Variants in NBEAL1 observed in about 807,000 individuals in gnomAD.
The protein encoded by NBEAL1 is neurobeachin-like protein 1.
In NBEAL1, 273 loss-of-function variants were observed where a neutral mutation model predicts 351.3. The ratio of observed to expected loss-of-function variants is 0.78; its 90% CI spans 0.70 to 0.86. NBEAL1 has a LOEUF of 0.86. Among genes scored for constraint, NBEAL1 ranks in the 40% least tolerant of loss-of-function variants. NBEAL1 has a pLI of 0.00. For synonymous variants in NBEAL1, 1,050 were observed against 1,086.4 expected (o/e 0.97, Z 0.66); for missense variants, 2,961 against 3,201.3 (o/e 0.92, Z 1.81).
chr2:203,149,174 A>T, intron 34 of NBEAL1, 26 bp downstream of exon 34: 1 of 1,546,922 alleles, frequency 6.5e-7, no homozygotes, highest in South Asian at 1.3e-5. Context: ...TTTATTAAGT[A>T]CTCCTTTTTC....
At chr2:203,166,049 A>G (rs1012331796) in intron 36 of NBEAL1, 100 bp from the exon 37 acceptor site, 26 of 1,175,540 alleles carry the variant, frequency 2.2e-5, no homozygotes, top group Non-Finnish European at 5.7e-6. Flanking sequence ...TGTCTCAAAA[A>G]AAAGAAAAAA....
At chr2:203,099,971 C>T (rs952076792) in intron 12 of NBEAL1, among the ~76,000 whole-genome samples, 1 of 152,026 alleles carries the variant, frequency 6.6e-6, no homozygotes, top group Non-Finnish European at 1.5e-5. Flanking sequence ...TGTTTGGCTC[C>T]CACTTATATG....
At chr2:203,213,115 A>T (rs995875814) in intron 54 of NBEAL1, among the ~76,000 whole-genome samples, 1 of 152,218 alleles carries the variant, frequency 6.6e-6, no homozygotes, top group Non-Finnish European at 1.5e-5. Flanking sequence ...AGGGAACGTA[A>T]AGACTATTTA....
At chr2:203,145,798 A>T (rs2063496636) in intron 33 of NBEAL1, among the ~76,000 whole-genome samples, 1 of 21,616 alleles carries the variant, frequency 4.6e-5, no homozygotes, top group Non-Finnish European at 1.6e-4. Context: ...ACTCCATCTC[A>T]AAAAAAAAAA....
At chr2:203,134,667 C>G (rs541947763) in intron 27 of NBEAL1, among the ~76,000 whole-genome samples, 104 of 152,286 alleles carry the variant, frequency 6.8e-4, no homozygotes, top group African/African-American at 2.4e-3. Flanking sequence ...AACTGAATGT[C>G]TAAAGCTTTT....
At chr2:203,052,339 T>C (rs1221453754) in intron 4 of NBEAL1, 1 of 153,766 alleles carries the variant, frequency 6.5e-6, no homozygotes, top group Non-Finnish European at 1.4e-5. Context: ...GATGGAAGCA[T>C]AGCCTGTGTC....
At chr2:203,082,683 C>A (rs1183629005) in intron 8 of NBEAL1, among the ~76,000 whole-genome samples, 1 of 152,122 alleles carries the variant, frequency 6.6e-6, no homozygotes, top group Non-Finnish European at 1.5e-5. Context: ...GAGACTTAAT[C>A]GATTTGAGGT....
At chr2:203,168,351 C>CTT (rs2064203083) in intron 38 of NBEAL1, among the ~76,000 whole-genome samples, 1 of 152,178 alleles carries the variant, frequency 6.6e-6, no homozygotes, top group Non-Finnish European at 1.5e-5. Flanking sequence ...TTTGGGAGGC[C>CTT]GAGGCGGGTG....
intron 11 of NBEAL1, 62 bp from the exon 12 acceptor site, chr2:203,099,567 C>G: frequency 4.6e-6 from 5 of 1,098,490 alleles, no homozygotes; most frequent in South Asian, 4.4e-5. Context: ...CAAAGGTTTC[C>G]TAACTCAATA....
intron 55 of NBEAL1, among the ~76,000 whole-genome samples, chr2:203,214,838 A>C (rs1403087045): frequency 6.6e-6 from 1 of 152,204 alleles, no homozygotes; most frequent in Non-Finnish European, 1.5e-5. Context: ...TTCAAGATCT[A>C]TTTTTATCTA....
rs1368714532 is a variant in NBEAL1 at position 203,209,180 on chromosome 2, A to C, written c.7643A>C (p.His2548Pro). The change falls in exon 53 of 56, where the codon CAT becomes CCT. Residue 2548 changes from histidine (H) to proline (P), a missense_variant. Transcript: ENST00000683969. The stretch of plus-strand genomic sequence containing the variant: ...GTGTAGGATGGAACGGTGATTATAC[A>C]TACCATTCAGAAAGGTCAGTACATG... ...SGSRDGTVII[H>P]TIQKGQYMRT... 6.2e-7 allele frequency: 1 copy of C among 1,612,544 alleles called. No individual in the cohort carries two copies. Among genetic ancestry groups the C allele is most frequent in the Non-Finnish European group, 8.5e-7 (1 of 1,178,590 alleles).
intron 8 of NBEAL1, 42 bp from the exon 9 acceptor site, chr2:203,083,177 C>T (rs1301167939): frequency 6.8e-7 from 1 of 1,471,036 alleles, no homozygotes; most frequent in South Asian, 1.4e-5. Context: ...TACACAACTT[C>T]ATTAGGTTTA....
At chr2:203,136,895 C>A in intron 29 of NBEAL1, 121 bp downstream of exon 29, 1 of 879,170 alleles carries the variant, frequency 1.1e-6, no homozygotes, top group Non-Finnish European at 1.7e-6. Flanking sequence ...AAAAGAGAAA[C>A]TTTGTGCTCA....
chr2:203,035,225 C>T lies in NBEAL1; in HGVS notation c.52-6540C>T, dbSNP rs1029558839. On this transcript the variant is annotated intron_variant, in intron 2 of 55. Transcript: ENST00000683969. ...AAGTAATCACATGTGACTAGTGGCC[C>T]CCATATTGTATAGCACAGCTCTAAG... Among the ~76,000 whole-genome samples, 7 of 149,024 alleles carry T rather than the reference C, an allele frequency of 4.7e-5. 1 individual carries two copies. Among genetic ancestry groups the T allele is most frequent in the Admixed American group, 1.4e-4 (2 of 14,792 alleles).
chr2:203,190,203 C>T, intron 45 of NBEAL1, 89 bp from the exon 46 acceptor site: 1 of 501,396 alleles, frequency 2.0e-6, no homozygotes, highest in Non-Finnish European at 3.6e-6. Context: ...CACACACACA[C>T]ACACACCAAT....
At chr2:203,154,318 A>T (rs1575054801) in intron 35 of NBEAL1, among the ~76,000 whole-genome samples, 1 of 152,152 alleles carries the variant, frequency 6.6e-6, no homozygotes, top group East Asian at 1.9e-4. Flanking sequence ...TCAAGGTGAA[A>T]TTGGAAATCA....
chr2:203,111,804 G>A (rs1008924771), intron 15 of NBEAL1, among the ~76,000 whole-genome samples, 175 bp from the exon 16 acceptor site: 2 of 152,132 alleles, frequency 1.3e-5, no homozygotes, highest in African/African-American at 2.4e-5. Context: ...ATATGCTTAC[G>A]TGCTTTTGTA....
chr2:203,189,351 G>C (rs1414294495), intron 45 of NBEAL1, among the ~76,000 whole-genome samples: 2 of 152,056 alleles, frequency 1.3e-5, no homozygotes, highest in African/African-American at 2.4e-5. Context: ...TGTACTCTGA[G>C]TATAATTTGT....
At chr2:203,143,243 C>T (rs1489735651) in intron 31 of NBEAL1, among the ~76,000 whole-genome samples, 1 of 152,108 alleles carries the variant, frequency 6.6e-6, no homozygotes, top group Non-Finnish European at 1.5e-5. Flanking sequence ...TTTACCTTTC[C>T]TCACTGGGGA....
Sources: gnomAD v4.1 joint callset for allele counts (sites outside exome capture counted in the v4.1 genomes callset) on GRCh38, gnomAD v4.1.1 for gene constraint, MANE v1.5 for transcripts, NCBI Gene and HGNC (gene_info 2026-07-23, HGNC 2026-07-21) for gene names.